Variants in MAPK8 observed in about 807,000 individuals in gnomAD.
The protein encoded by MAPK8 is JUN N-terminal kinase.
Under a neutral mutation model 52.9 loss-of-function variants are expected in MAPK8, and 13 were observed. That is an observed-to-expected ratio of 0.25 (90% CI 0.16 to 0.39). MAPK8 has a LOEUF of 0.39. Ranked by LOEUF, MAPK8 falls within the 10% of genes least tolerant of loss-of-function variation. The pLI is 1.00. For missense variants in MAPK8, 300 were observed against 519.2 expected (o/e 0.58, Z 4.10); for synonymous variants, 191 against 169.8 (o/e 1.12, Z -0.97).
At chr10:48,421,766 T>C (rs1483211893) in intron 6 of MAPK8, among the ~76,000 whole-genome samples, 2 of 152,134 alleles carry the variant, frequency 1.3e-5, no homozygotes, top group East Asian at 3.8e-4. Context: ...ATTGCACCAC[T>C]GCATTCCAGC....
chr10:48,435,163 G>GT lies in MAPK8; in HGVS notation c.*137dup. 1 of 658,014 alleles carries GT rather than the reference G, an allele frequency of 1.5e-6. No homozygotes were observed. Among genetic ancestry groups the GT allele is most frequent in the Non-Finnish European group, 2.3e-6 (1 of 428,238 alleles). The allele number at this position is 658,014 out of a possible 1,614,324, so 40.8% of individuals were successfully genotyped here. A position where few individuals can be genotyped will look rare whatever the true frequency, so the allele number is the denominator to read the frequency against. ...GTAGAATTCATTTTGTAGTAAAGTA[G>GT]TTTATTTTTTTTAATTTCAAGTGAT... On this transcript the variant is annotated 3_prime_UTR_variant, in exon 12 of 12. Coordinates refer to ENST00000374189, the MANE Select transcript of MAPK8 (RefSeq NM_001323329.2).
intron 1 of MAPK8, among the ~76,000 whole-genome samples, chr10:48,335,276 A>G (rs1476206463): frequency 1.3e-5 from 2 of 152,148 alleles, no homozygotes; most frequent in Non-Finnish European, 2.9e-5. Context: ...TTATGTTTAA[A>G]TAAATTTTAA....
chr10:48,319,044 G>A (rs550614036), intron 1 of MAPK8, among the ~76,000 whole-genome samples: 2 of 152,314 alleles, frequency 1.3e-5, no homozygotes, highest in African/African-American at 4.8e-5. Flanking sequence ...GATTAGTCCT[G>A]ATACAGGAGA....
At chr10:48,366,602 G>C (rs1264288331) in intron 1 of MAPK8, among the ~76,000 whole-genome samples, 1 of 152,124 alleles carries the variant, frequency 6.6e-6, no homozygotes, top group Non-Finnish European at 1.5e-5. Context: ...GGCCAAATCT[G>C]ATTGAACAGT....
chr10:48,377,486 G>A (rs1387212116), intron 1 of MAPK8, among the ~76,000 whole-genome samples: 6 of 152,144 alleles, frequency 3.9e-5, no homozygotes, highest in African/African-American at 7.2e-5. Context: ...GCTACTTTGC[G>A]GTAAGATGTG....
chr10:48,434,956 C>T lies in MAPK8; in HGVS notation c.1211C>T (p.Thr404Ile), dbSNP rs1340500693. 3 of 1,612,516 alleles carry T rather than the reference C, an allele frequency of 1.9e-6. No homozygotes were observed. The highest frequency in any genetic ancestry group is 2.5e-6 in the Non-Finnish European group (3 of 1,179,522). The change falls in exon 12 of 12, where the codon ACA becomes ATA. Residue 404 changes from threonine to isoleucine, a missense_variant. This residue lies in a region of MAPK8 where 119 missense variants were observed against 154.4 expected (regional missense o/e 0.77). Coordinates refer to ENST00000374189, the MANE Select transcript of MAPK8 (RefSeq NM_001323329.2). ...SSVNDVSSMS[T>I]DPTLASDTDS... ...GTCAATGATGTGTCTTCAATGTCAA[C>T]AGATCCGACTTTGGCCTCTGATACA...
At chr10:48,394,996 G>A (rs2698769) in intron 1 of MAPK8, among the ~76,000 whole-genome samples, 5,529 of 151,946 alleles carry the variant, frequency 0.036, 282 homozygotes, top group African/African-American at 0.11. Context: ...TGTAAAGCCT[G>A]TATGTTAGAA....
chr10:48,330,433 G>T (rs536173375), intron 1 of MAPK8, among the ~76,000 whole-genome samples: 1 of 152,114 alleles, frequency 6.6e-6, no homozygotes, highest in Non-Finnish European at 1.5e-5. Context: ...CATGTGACTT[G>T]CCCTGTGATG....
At chr10:48,310,302 CA>C (rs1841847254) in intron 1 of MAPK8, among the ~76,000 whole-genome samples, 1 of 152,156 alleles carries the variant, frequency 6.6e-6, no homozygotes, top group African/African-American at 2.4e-5. Flanking sequence ...CATACTAGGA[CA>C]AAAAGAGCCC....
At position 48,316,167 on chromosome 10, in the gene MAPK8, G is replaced by A. The variant is rs1014024387; in HGVS notation, c.-50+9346G>A. On this transcript the variant is annotated intron_variant, in intron 1 of 11. Transcript: ENST00000374189. ...GTCATGCACCACATGGTGAGGTTTC[G>A]GTCCATTACAGACCACATATGTGAC... is the stretch of plus-strand genomic sequence containing the variant. Among the ~76,000 whole-genome samples the A allele has an allele frequency of 7.9e-5, 12 of 152,228 alleles. No homozygotes were observed. The South Asian group carries it at 1.0e-3, about 13-fold the overall frequency.
At chr10:48,379,867 C>T (rs1184990852) in intron 1 of MAPK8, among the ~76,000 whole-genome samples, 1 of 149,326 alleles carries the variant, frequency 6.7e-6, no homozygotes, top group African/African-American at 2.5e-5. Flanking sequence ...GGTACAAACT[C>T]GTATTCAAAG....
intron 1 of MAPK8, among the ~76,000 whole-genome samples, chr10:48,360,360 C>T (rs1246150118): frequency 6.6e-6 from 1 of 152,124 alleles, no homozygotes; most frequent in Admixed American, 6.6e-5. Context: ...TGGTGTTACC[C>T]CTTTGGAAAA....
chr10:48,399,284 G>A (rs2042040351), intron 1 of MAPK8, among the ~76,000 whole-genome samples: 1 of 152,168 alleles, frequency 6.6e-6, no homozygotes, highest in South Asian at 2.1e-4. Context: ...TTAACAGTAC[G>A]TAGCATGGTG....
chr10:48,348,334 G>A (rs1845985808), intron 1 of MAPK8, among the ~76,000 whole-genome samples: 1 of 152,150 alleles, frequency 6.6e-6, no homozygotes, highest in Admixed American at 6.5e-5. Context: ...CCGTTCTGTA[G>A]GTTGTCTATT....
chr10:48,323,361 G>T (rs542680776), intron 1 of MAPK8, among the ~76,000 whole-genome samples: 1 of 152,268 alleles, frequency 6.6e-6, no homozygotes, highest in East Asian at 1.9e-4. Context: ...TAGTCGTGTT[G>T]AATAAAATTT....
At chr10:48,368,937 C>G (rs1848308848) in intron 1 of MAPK8, among the ~76,000 whole-genome samples, 1 of 152,158 alleles carries the variant, frequency 6.6e-6, no homozygotes, top group African/African-American at 2.4e-5. Context: ...TTAACAGCCT[C>G]TGAATTTCTC....
chr10:48,404,346 C>T lies in MAPK8; in HGVS notation c.123-506C>T, dbSNP rs894793307. Among the ~76,000 whole-genome samples, 3 of 151,438 alleles carry T rather than the reference C, an allele frequency of 2.0e-5. No individual in the cohort carries two copies. In the East Asian group the frequency reaches 5.8e-4, roughly 29 times the overall value. ...TAATTTTTTTGTATTTTAGTAGAGGCGGAGTTTCACTGTGTTGGCCAGGAT... is the reference window on the plus strand; with the variant it reads ...TAATTTTTTTGTATTTTAGTAGAGGTGGAGTTTCACTGTGTTGGCCAGGAT... On this transcript the variant is annotated intron_variant, in intron 2 of 11. Coordinates refer to ENST00000374189, the MANE Select transcript of MAPK8 (RefSeq NM_001323329.2).
At chr10:48,337,826 G>A (rs1844843485) in intron 1 of MAPK8, among the ~76,000 whole-genome samples, 1 of 152,124 alleles carries the variant, frequency 6.6e-6, no homozygotes, top group Non-Finnish European at 1.5e-5. Flanking sequence ...ACATTTTTAT[G>A]TGCACAAACT....
At chr10:48,365,319 T>G (rs969228622) in intron 1 of MAPK8, among the ~76,000 whole-genome samples, 6 of 152,166 alleles carry the variant, frequency 3.9e-5, no homozygotes, top group African/African-American at 1.2e-4. Context: ...CTCTGTTGTC[T>G]TTGTCCTTTT....
Sources: allele counts gnomAD v4.1 joint callset (sites outside exome capture counted in the v4.1 genomes callset), GRCh38; gene constraint gnomAD v4.1.1; regional missense constraint gnomAD v4.1.1; transcripts MANE v1.5; gene names NCBI Gene and HGNC (gene_info 2026-07-23, HGNC 2026-07-21).